The following STRN3 variants were observed in gnomAD, a reference collection of about 807,000 sequenced individuals.
STRN3 encodes the protein striatin-3.
A neutral mutation model predicts 95.6 loss-of-function variants in STRN3; 29 were observed. The observed-to-expected ratio is 0.30, with a 90% CI of 0.23 to 0.41. The LOEUF is 0.41. STRN3 is among the 10% of genes least tolerant of loss of function. The pLI is 1.00. For missense variants in STRN3, 890 were observed against 972.1 expected (o/e 0.92, Z 1.12); for synonymous variants, 331 against 357.6 (o/e 0.93, Z 0.84).
intron 1 of STRN3, among the ~76,000 whole-genome samples, chr14:30,999,602 G>A (rs1229480432): frequency 6.6e-6 from 1 of 152,120 alleles, no homozygotes; most frequent in Non-Finnish European, 1.5e-5. Flanking sequence ...TTGAAGATAG[G>A]TCAACTGAGA....
chr14:30,957,371 T>C (rs1355733722), intron 1 of STRN3, among the ~76,000 whole-genome samples: 1 of 146,082 alleles, frequency 6.8e-6, no homozygotes, highest in African/African-American at 2.6e-5. Context: ...AAGAATGGCG[T>C]GAACCCAGGA....
intron 16 of STRN3, among the ~76,000 whole-genome samples, chr14:30,898,863 C>T (rs771791575): frequency 1.2e-4 from 19 of 152,148 alleles, no homozygotes; most frequent in Non-Finnish European, 1.6e-4. Context: ...CACTGTGGGC[C>T]TCTATTAAAT....
intron 1 of STRN3, among the ~76,000 whole-genome samples, chr14:31,009,620 T>C (rs193117868): frequency 0.018 from 2,710 of 151,156 alleles, 83 homozygotes; most frequent in African/African-American, 0.061. Context: ...TTTTTTTTTT[T>C]ACATTTCTGT....
At chr14:31,024,677 C>T (rs1221309499) in intron 1 of STRN3, among the ~76,000 whole-genome samples, 2 of 152,000 alleles carry the variant, frequency 1.3e-5, no homozygotes, top group Non-Finnish European at 2.9e-5. Context: ...TTGAGGACAC[C>T]CTTTCTAGTT....
Position 30,907,063 on chromosome 14 carries a change from A to G in STRN3, c.1721-19T>C. ...TTTGGCTCTGGGGAAAAAACAAACA[A>G]ACAAAAAATTAGGTAAAAGAAGTTT... On this transcript the variant is annotated intron_variant, in intron 13 of 17. Transcript: ENST00000357479. The G allele has an allele frequency of 1.3e-6, 2 of 1,595,146 alleles. No individual in the cohort carries two copies. The highest frequency in any genetic ancestry group is 1.7e-6 in the Non-Finnish European group (2 of 1,174,660).
chr14:31,000,694 C>T (rs900201377), intron 1 of STRN3, among the ~76,000 whole-genome samples: 6 of 152,154 alleles, frequency 3.9e-5, no homozygotes, highest in African/African-American at 1.4e-4. Flanking sequence ...TATCAATCTT[C>T]TCTGCTTTAC....
intron 5 of STRN3, among the ~76,000 whole-genome samples, chr14:30,946,715 C>T (rs754331441): frequency 5.3e-5 from 8 of 151,918 alleles, no homozygotes; most frequent in East Asian, 1.9e-4. Flanking sequence ...CGCTGGCTCA[C>T]GCCTGTAATC....
At chr14:30,977,873 T>C (rs1881192394) in intron 1 of STRN3, among the ~76,000 whole-genome samples, 2 of 146,588 alleles carry the variant, frequency 1.4e-5, no homozygotes, top group African/African-American at 2.5e-5. Context: ...AAAATAAAAA[T>C]TATAAATAGC....
chr14:31,023,939 A>C (rs1339814564), intron 1 of STRN3, among the ~76,000 whole-genome samples: 2 of 152,162 alleles, frequency 1.3e-5, no homozygotes, highest in Non-Finnish European at 2.9e-5. Context: ...ACAAGGAAAC[A>C]AACAAAAACT....
At chr14:30,929,967 A>AAAAAAAAAAAAAAAACAAAAAAAAAAAAC (rs1555317336) in intron 7 of STRN3, among the ~76,000 whole-genome samples, 3 of 91,122 alleles carry the variant, frequency 3.3e-5, no homozygotes, top group Non-Finnish European at 4.5e-5. Flanking sequence ...AAAAAAAAAA[A>AAAAAAAAAAAAAAAACAAAAAAAAAAAAC]AAAAAAAAAA....
chr14:30,958,053 G>T (rs956416782), intron 1 of STRN3, among the ~76,000 whole-genome samples: 1 of 152,208 alleles, frequency 6.6e-6, no homozygotes, highest in Non-Finnish European at 1.5e-5. Flanking sequence ...AAAAAAGTTT[G>T]TATGAAATTA....
At chr14:30,982,883 G>A (rs1438326418) in intron 1 of STRN3, among the ~76,000 whole-genome samples, 1 of 151,918 alleles carries the variant, frequency 6.6e-6, no homozygotes. Flanking sequence ...AGATCATTGG[G>A]ACCCCAAGCC....
At chr14:30,934,996 TAAGTA>T (rs1008322999) in intron 7 of STRN3, among the ~76,000 whole-genome samples, 162 bp downstream of exon 7, 8 of 152,190 alleles carry the variant, frequency 5.3e-5, no homozygotes, top group Admixed American at 2.0e-4. Flanking sequence ...TCACCAAATT[TAAGTA>T]AATTGGTACA....
At position 30,910,803 on chromosome 14, in the gene STRN3, T is replaced by C. The variant is rs575570438; in HGVS notation, c.1720+238A>G. 3.9e-5 allele frequency among the ~76,000 whole-genome samples: 6 copies of C among 152,228 alleles called. No individual in the cohort carries two copies. In the South Asian group the frequency reaches 6.2e-4, roughly 16 times the overall value. On this transcript the variant is annotated intron_variant, in intron 13 of 17. Coordinates refer to ENST00000357479, the MANE Select transcript of STRN3 (RefSeq NM_001083893.2). Reference sequence around the variant, plus strand: ...CTTCTTTTTGTAACTACTACCTAAATTAACATTTTAATTAATATAGTTTTT... The same window carrying C: ...CTTCTTTTTGTAACTACTACCTAAACTAACATTTTAATTAATATAGTTTTT...
chr14:30,980,104 C>G (rs997928083), intron 1 of STRN3, among the ~76,000 whole-genome samples: 2 of 151,588 alleles, frequency 1.3e-5, no homozygotes, highest in Non-Finnish European at 2.9e-5. Flanking sequence ...AAAAATTAGC[C>G]AGACATAGTG....
intron 16 of STRN3, among the ~76,000 whole-genome samples, chr14:30,897,826 T>A (rs1341249755): frequency 6.6e-6 from 1 of 152,182 alleles, no homozygotes; most frequent in African/African-American, 2.4e-5. Flanking sequence ...ACATAATTTA[T>A]CTTCCAGTTC....
intron 5 of STRN3, among the ~76,000 whole-genome samples, chr14:30,946,372 A>G (rs2139111017): frequency 6.6e-6 from 1 of 151,770 alleles, no homozygotes; most frequent in South Asian, 2.1e-4. Flanking sequence ...GCAAGAACCC[A>G]TCTCCACAAA....
chr14:30,988,886 C>A (rs1881816272), intron 1 of STRN3, among the ~76,000 whole-genome samples: 1 of 152,204 alleles, frequency 6.6e-6, no homozygotes, highest in Non-Finnish European at 1.5e-5. Flanking sequence ...GCTCTATAAT[C>A]TCCACTTCCA....
At chr14:30,905,069 T>A (rs1896426178) in intron 15 of STRN3, among the ~76,000 whole-genome samples, 1 of 152,080 alleles carries the variant, frequency 6.6e-6, no homozygotes, top group Admixed American at 6.5e-5. Flanking sequence ...ATGTGATCCC[T>A]ATCTAAATAA....
Sources: allele counts gnomAD v4.1 joint callset (sites outside exome capture counted in the v4.1 genomes callset), GRCh38; gene constraint gnomAD v4.1.1; transcripts MANE v1.5; gene names NCBI Gene and HGNC (gene_info 2026-07-23, HGNC 2026-07-21).